The following LRAT variants were observed in gnomAD, a reference collection of about 807,000 sequenced individuals.
The protein encoded by LRAT is lecithin retinol acyltransferase.
LRAT carries 11 observed loss-of-function variants against 14.2 expected under a neutral mutation model. The observed-to-expected ratio is 0.78, with a 90% CI of 0.49 to 1.29. The LOEUF (loss-of-function observed/expected upper bound fraction) is 1.29, where lower values mean the gene tolerates loss of function less well. Among genes scored for constraint, LRAT ranks in the 50% most tolerant of loss-of-function variants. The probability of loss-of-function intolerance (pLI) is 0.00; values close to 1 mark genes in which losing one functional copy is unlikely to be tolerated. For missense variants in LRAT, 274 were observed against 292.4 expected, an observed-to-expected ratio of 0.94 and a Z score of 0.46; for synonymous variants, 144 against 124.8, an observed-to-expected ratio of 1.15 and a Z score of -1.03.
At position 154,744,557 on chromosome 4, in the gene LRAT, C is replaced by G. The variant is rs754762928; in HGVS notation, c.231C>G (p.Ile77Met). ...GTGTTGCCCACATGATGCCCGACAT[C>G]CTGTTGGCCCTGACAGACGACATGG... is the stretch of plus-strand genomic sequence containing the variant. Reference protein sequence around the residue: ...DNRVAHMMPDILLALTDDMGR... With the variant: ...DNRVAHMMPDMLLALTDDMGR... Residue 77 changes from isoleucine to methionine, a missense_variant, in exon 2 of 3, where the codon ATC becomes ATG. Coordinates refer to ENST00000336356, the MANE Select transcript of LRAT (RefSeq NM_004744.5). The G allele has an allele frequency of 1.4e-5, 22 of 1,614,070 alleles. No individual in the cohort carries two copies. Among genetic ancestry groups the G allele is most frequent in the Non-Finnish European group, 1.9e-5 (22 of 1,180,044 alleles).
At chr4:154,745,992 TATGAGTATTTTGAAAAA>T (rs921387963) in intron 2 of LRAT, among the ~76,000 whole-genome samples, 1 of 152,210 alleles carries the variant, frequency 6.6e-6, no homozygotes, top group Non-Finnish European at 1.5e-5. Context: ...AGGTAATTTT[TATGAGTATTTTGAAAAA>T]ATACTCATGA....
At chr4:154,748,790 A>G (rs970153199) in intron 2 of LRAT, among the ~76,000 whole-genome samples, 194 bp from the exon 3 acceptor site, 2 of 152,154 alleles carry the variant, frequency 1.3e-5, no homozygotes, top group Admixed American at 6.5e-5. Context: ...TGCCTAAGGG[A>G]TCATTTCTGC....
In LRAT at chr4:154,744,169, C is replaced by A. The variant is rs1164408850; in HGVS notation, c.-55C>A. On this transcript the variant is annotated 5_prime_UTR_variant, in exon 1 of 3. Transcript: ENST00000336356. Reference sequence around the variant, plus strand: ...CGCCAGGCCTCGCTGTCCTCCTTTGCCTTCCTCTCTCCTCAGCGGCCGTAC... The same window carrying A: ...CGCCAGGCCTCGCTGTCCTCCTTTGACTTCCTCTCTCCTCAGCGGCCGTAC... 1.4e-6 allele frequency: 1 copy of A among 729,778 alleles called. No individual in the cohort carries two copies. Among genetic ancestry groups the A allele is most frequent in the South Asian group, 1.6e-5 (1 of 60,810 alleles). The allele number at this position is 729,778 out of a possible 1,614,324, so 45.2% of individuals were successfully genotyped here. A position where few individuals can be genotyped will look rare whatever the true frequency, so the allele number is the denominator to read the frequency against.
rs1268805773 is a variant in LRAT at position 154,752,613 on chromosome 4, A to G, written c.*3477A>G. On this transcript the variant is annotated 3_prime_UTR_variant, in exon 3 of 3. Coordinates refer to ENST00000336356, the MANE Select transcript of LRAT (RefSeq NM_004744.5). ...AAAAAAAAGGATCTGTATTCGTGAG[A>G]GTAGAGAGAAAGGTTGTTTAGGAAG... 2 of 152,174 alleles carry G rather than the reference A, an allele frequency of 1.3e-5. No homozygotes were observed. The highest frequency in any genetic ancestry group is 2.4e-5 in the African/African-American group (1 of 41,450). The allele number at this position is 152,174 out of a possible 1,614,324, so 9.4% of individuals were successfully genotyped here.
Position 154,749,213 on chromosome 4 carries a change from A to T in LRAT, c.*77A>T. 6.8e-7 allele frequency: 1 copy of T among 1,467,940 alleles called. No individual in the cohort carries two copies. Among genetic ancestry groups the T allele is most frequent in the East Asian group, 2.3e-5 (1 of 44,090 alleles). The allele number at this position is 1,467,940 out of a possible 1,614,324, so 90.9% of individuals were successfully genotyped here. On this transcript the variant is annotated 3_prime_UTR_variant, in exon 3 of 3. Coordinates refer to ENST00000336356, the MANE Select transcript of LRAT (RefSeq NM_004744.5). ...TTATAGAGCATCAATCAATATAAGC[A>T]TTATTGAGAAAAATGTGACCCGTAA...
chr4:154,748,937 C>T (rs1429595964), intron 2 of LRAT, 47 bp from the exon 3 acceptor site: 1 of 1,571,674 alleles, frequency 6.4e-7, no homozygotes, highest in Non-Finnish European at 8.8e-7. Context: ...TGTGATTCTT[C>T]TTGGGTTTAG....
chr4:154,742,922 G>T, upstream of LRAT, among the ~76,000 whole-genome samples: 1 of 151,588 alleles, frequency 6.6e-6, no homozygotes, highest in Non-Finnish European at 1.5e-5. Flanking sequence ...GTGAACTGAA[G>T]CTGGGTCCAT....
Position 154,744,570 on chromosome 4 carries a change from A to G in LRAT, c.244A>G (p.Thr82Ala), listed in dbSNP as rs747900628. 50 of 1,614,010 alleles carry G rather than the reference A, an allele frequency of 3.1e-5. No individual in the cohort carries two copies. Among genetic ancestry groups the G allele is most frequent in the Non-Finnish European group, 4.0e-5 (47 of 1,180,028 alleles). ...GATGCCCGACATCCTGTTGGCCCTGACAGACGACATGGGGCGCACGCAGAA... is the reference window on the plus strand; with the variant it reads ...GATGCCCGACATCCTGTTGGCCCTGGCAGACGACATGGGGCGCACGCAGAA... ...HMMPDILLAL[T>A]DDMGRTQKVV... Residue 82 changes from threonine (T) to alanine (A), a missense_variant, in exon 2 of 3, where the codon ACA becomes GCA. By Grantham distance (58) the Thr-to-Ala change is moderately conservative. Transcript: ENST00000336356.
rs1296538172 is a variant in LRAT, at chr4:154,744,821, G to T, written c.495G>T (p.Val165=). The part of the protein sequence containing the change: ...SLLWNNCEHF[V]TYCRYGTPIS... ...TGTGGAACAACTGCGAGCACTTCGT[G>T]ACCTACTGCAGATATGGCACCCCGA... The change falls in exon 2 of 3, where the codon GTG becomes GTT. Residue 165 remains valine (V), a synonymous_variant. Transcript: ENST00000336356. 21 of 1,613,786 alleles carry T rather than the reference G, an allele frequency of 1.3e-5. No homozygotes were observed. Among genetic ancestry groups the T allele is most frequent in the Non-Finnish European group, 1.8e-5 (21 of 1,180,030 alleles).
intron 2 of LRAT, chr4:154,748,260 A>T: frequency 3.0e-6 from 3 of 985,322 alleles, no homozygotes; most frequent in South Asian, 9.4e-5. Context: ...GAGTGTTCCC[A>T]TTTGACTACT....
intron 2 of LRAT, 124 bp downstream of exon 2, chr4:154,744,990 A>G: frequency 1.6e-6 from 1 of 616,444 alleles, no homozygotes; most frequent in Non-Finnish European, 2.6e-6. Context: ...CTTCCATACC[A>G]TCCTTTTTCT....
In LRAT at chr4:154,750,338, T is replaced by C. The variant is rs1732967146; in HGVS notation, c.*1202T>C. 1 of 152,172 alleles carries C rather than the reference T, an allele frequency of 6.6e-6. No individual in the cohort carries two copies. Among genetic ancestry groups the C allele is most frequent in the African/African-American group, 2.4e-5 (1 of 41,458 alleles). The allele number at this position is 152,172 out of a possible 1,614,324, so 9.4% of individuals were successfully genotyped here. A position where few individuals can be genotyped will look rare whatever the true frequency, so the allele number is the denominator to read the frequency against. On this transcript the variant is annotated 3_prime_UTR_variant, in exon 3 of 3. Transcript: ENST00000336356. ...AGTACTGCCAGTCATGTAAATTGAT[T>C]CTGCTGAGGGTCTTATAAGAATTGA...
chr4:154,744,547 T>A lies in LRAT; in HGVS notation c.221T>A (p.Met74Lys). The change falls in exon 2 of 3, where the codon ATG (methionine) becomes AAG (lysine). Residue 74 changes from methionine to lysine, a missense_variant. By Grantham distance (95) the Met-to-Lys change is moderately conservative. Coordinates refer to ENST00000336356, the MANE Select transcript of LRAT (RefSeq NM_004744.5). Reference sequence around the variant, plus strand: ...GGAGACAACCGTGTTGCCCACATGATGCCCGACATCCTGTTGGCCCTGACA... The same window carrying A: ...GGAGACAACCGTGTTGCCCACATGAAGCCCGACATCCTGTTGGCCCTGACA... ...YLGDNRVAHM[M>K]PDILLALTDD... is the part of the protein sequence containing the mutation. The A allele has an allele frequency of 6.2e-7, 1 of 1,614,134 alleles. No homozygotes were observed. The highest frequency in any genetic ancestry group is 8.5e-7 in the Non-Finnish European group (1 of 1,180,018).
In LRAT at chr4:154,744,007, G is replaced by A. The variant is rs1732820037; in HGVS notation, c.-217G>A. 2.7e-6 allele frequency: 1 copy of A among 377,304 alleles called. No homozygotes were observed. Among genetic ancestry groups the A allele is most frequent in the Non-Finnish European group, 4.9e-6 (1 of 202,216 alleles). 23.4% of individuals were successfully genotyped at this position (377,304 alleles called of 1,614,324 possible). A position where few individuals can be genotyped will look rare whatever the true frequency, so the allele number is the denominator to read the frequency against. On this transcript the variant is annotated 5_prime_UTR_variant, in exon 1 of 3. Transcript: ENST00000336356. ...AGCGAAGCCTGCACCTCCGAGCACC[G>A]CGCGCGGCCCTGCCCCCGGCACGGC...
chr4:154,744,393 A>C lies in LRAT; in HGVS notation c.67A>C (p.Thr23Pro), dbSNP rs773580282. Residue 23 changes from threonine (T) to proline (P), a missense_variant, in exon 2 of 3, where the codon ACG becomes CCG. Physicochemically the swap from Thr to Pro is conservative, Grantham distance 38 (BLOSUM62 -1). Transcript: ENST00000336356. ...LEKLLLISNFTLFSSGAAGED... is the reference protein window; with the variant it reads ...LEKLLLISNFPLFSSGAAGED... ...GAAGCTGCTCCTCATCTCCAACTTC[A>C]CGCTCTTTAGTTCGGGCGCCGCGGG... The C allele has an allele frequency of 1.2e-6, 2 of 1,613,958 alleles. No individual in the cohort carries two copies. The highest frequency in any genetic ancestry group is 1.3e-5 in the African/African-American group (1 of 74,956).
At chr4:154,745,776 CT>C (rs1456961104) in intron 2 of LRAT, among the ~76,000 whole-genome samples, 8 of 152,172 alleles carry the variant, frequency 5.3e-5, no homozygotes, top group African/African-American at 1.7e-4. Context: ...GAGGGCCCCC[CT>C]GGTAGTTCCC....
chr4:154,744,660 A>G lies in LRAT; in HGVS notation c.334A>G (p.Thr112Ala). 1.2e-6 allele frequency: 2 copies of G among 1,614,204 alleles called. No homozygotes were observed. The highest frequency in any genetic ancestry group is 1.7e-6 in the Non-Finnish European group (2 of 1,180,040). Residue 112 changes from threonine (T) to alanine (A), a missense_variant, in exon 2 of 3, where the codon ACA (threonine) becomes GCA (alanine). Transcript: ENST00000336356. ...CAAAGTGGCCAGCATCCGCGTGGAC[A>G]CAGTGGAGGACTTCGCCTACGGAGC... The part of the protein sequence containing the change: ...IVKVASIRVD[T>A]VEDFAYGANI...
In LRAT at chr4:154,744,549, C is replaced by G; in HGVS notation, c.223C>G (p.Pro75Ala). Residue 75 changes from proline (P) to alanine (A), a missense_variant, in exon 2 of 3, where the codon CCC becomes GCC. Transcript: ENST00000336356. ...LGDNRVAHMMPDILLALTDDM... is the reference protein window; with the variant it reads ...LGDNRVAHMMADILLALTDDM... Reference sequence around the variant, plus strand: ...AGACAACCGTGTTGCCCACATGATGCCCGACATCCTGTTGGCCCTGACAGA... The same window carrying G: ...AGACAACCGTGTTGCCCACATGATGGCCGACATCCTGTTGGCCCTGACAGA... 6.2e-7 allele frequency: 1 copy of G among 1,614,178 alleles called. No homozygotes were observed. Among genetic ancestry groups the G allele is most frequent in the Non-Finnish European group, 8.5e-7 (1 of 1,180,036 alleles).
upstream of LRAT, among the ~76,000 whole-genome samples, chr4:154,743,475 A>T (rs1186790002): frequency 6.6e-6 from 1 of 152,176 alleles, no homozygotes; most frequent in Non-Finnish European, 1.5e-5. Flanking sequence ...GCTCTGGGTG[A>T]TAGAGCAAGG....
Sources: allele counts gnomAD v4.1 joint callset (sites outside exome capture counted in the v4.1 genomes callset), GRCh38; gene constraint gnomAD v4.1.1; transcripts MANE v1.5; gene names NCBI Gene and HGNC (gene_info 2026-07-23, HGNC 2026-07-21).